Variants in KLF13 observed in about 807,000 individuals in gnomAD.
KLF13 encodes the protein KLF transcription factor 13, also known as Krueppel-like factor 13.
KLF13 carries 8 observed loss-of-function variants against 16.7 expected under a neutral mutation model. That is an observed-to-expected ratio of 0.48 (90% CI 0.28 to 0.87). The LOEUF is 0.87. Ranked by LOEUF, KLF13 falls within the 40% of genes least tolerant of loss-of-function variation. The pLI is 0.10. For synonymous variants in KLF13, 245 were observed against 208.4 expected (o/e 1.18, Z -1.51); for missense variants, 447 against 452.2 (o/e 0.99, Z 0.10).
chr15:31,408,064 C>T (rs56258992), downstream of KLF13, among the ~76,000 whole-genome samples: 18,855 of 152,036 alleles, frequency 0.12, 3,429 homozygotes, highest in African/African-American at 0.4. Flanking sequence ...GGCATAAAAC[C>T]TGAAAAAGAA....
rs1400003341 is a variant in KLF13, at chr15:31,375,079, A to T, written c.*2780A>T. The stretch of plus-strand genomic sequence containing the variant: ...GTGCGGTCCTTAGGCCCCGGCCTGG[A>T]CTGGGAAATGGGGGTAGGGCACCAG... On this transcript the variant is annotated 3_prime_UTR_variant, in exon 2 of 2. Coordinates refer to ENST00000307145, the MANE Select transcript of KLF13 (RefSeq NM_015995.4). 2 of 152,524 alleles carry T rather than the reference A, an allele frequency of 1.3e-5. No individual in the cohort carries two copies. The highest frequency in any genetic ancestry group is 4.8e-5 in the African/African-American group (2 of 41,412). 9.4% of individuals were successfully genotyped at this position (152,524 alleles called of 1,614,324 possible).
At chr15:31,396,941 A>G (rs1259088446) in intron 2 of KLF13, among the ~76,000 whole-genome samples, 1 of 152,116 alleles carries the variant, frequency 6.6e-6, no homozygotes, top group Non-Finnish European at 1.5e-5. Context: ...GGAATGAACA[A>G]GGACAGCTTG....
chr15:31,426,472 A>ACTT (rs1185695579), intron 1 of KLF13, among the ~76,000 whole-genome samples: 1 of 152,238 alleles, frequency 6.6e-6, no homozygotes, highest in Non-Finnish European at 1.5e-5. Context: ...ACTATATCAA[A>ACTT]CTTAAACCCT....
At chr15:31,395,092 G>T (rs887019730) in intron 2 of KLF13, among the ~76,000 whole-genome samples, 2 of 152,100 alleles carry the variant, frequency 1.3e-5, no homozygotes, top group African/African-American at 4.8e-5. Context: ...CGATTCTCCT[G>T]TCTCAGCCTC....
chr15:31,327,320 G>C lies in KLF13; in HGVS notation c.108G>C (p.Glu36Asp). 1 of 1,282,206 alleles carries C rather than the reference G, an allele frequency of 7.8e-7. No homozygotes were observed. Among genetic ancestry groups the C allele is most frequent in the Non-Finnish European group, 9.8e-7 (1 of 1,018,574 alleles). 79.4% of individuals were successfully genotyped at this position (1,282,206 alleles called of 1,614,324 possible). Residue 36 changes from glutamate (E) to aspartate (D), a missense_variant, in exon 1 of 2, where the codon GAG (glutamate) becomes GAC (aspartate). By Grantham distance (45) the Glu-to-Asp change is conservative. This residue lies in a region of KLF13 where 359 missense variants were observed against 282.8 expected (regional missense o/e 1.27). Transcript: ENST00000307145. ...GGGAGGGGCCGGAGTCCCGGCCCGA[G>C]GGCGCGGCCGTGGCCGCCACCCCCA... is the stretch of plus-strand genomic sequence containing the variant. ...GPREGPESRP[E>D]GAAVAATPTL...
chr15:31,368,820 T>TTAGA (rs373136224), intron 1 of KLF13, among the ~76,000 whole-genome samples: 2,445 of 151,828 alleles, frequency 0.016, 26 homozygotes, highest in Non-Finnish European at 0.02. Context: ...CTATCTCAGA[T>TTAGA]TAGATAGATA....
intron 1 of KLF13, among the ~76,000 whole-genome samples, chr15:31,335,500 G>A (rs1190771035): frequency 2.0e-5 from 3 of 148,420 alleles, no homozygotes; most frequent in Admixed American, 2.0e-4. Flanking sequence ...AGGGGGCGGG[G>A]GGAGGGCACA....
chr15:31,424,716 G>A (rs1001572072), intron 1 of KLF13, among the ~76,000 whole-genome samples: 3 of 152,102 alleles, frequency 2.0e-5, no homozygotes, highest in Non-Finnish European at 4.4e-5. Flanking sequence ...TTAGGGACAA[G>A]GCAAAGATGC....
At chr15:31,365,097 A>G (rs749027988) in intron 1 of KLF13, among the ~76,000 whole-genome samples, 1 of 152,198 alleles carries the variant, frequency 6.6e-6, no homozygotes, top group Non-Finnish European at 1.5e-5. Context: ...AGTGGCCCCA[A>G]ACCAGTGCCC....
At chr15:31,341,731 G>A (rs553415640) in intron 1 of KLF13, among the ~76,000 whole-genome samples, 38 of 152,158 alleles carry the variant, frequency 2.5e-4, no homozygotes, top group Admixed American at 8.5e-4. Flanking sequence ...CAGGTGCTGG[G>A]TCACTTTCCA....
Position 31,372,257 on chromosome 15 carries a change from C to T in KLF13, c.825C>T (p.Ser275=), listed in dbSNP as rs765324385. The T allele has an allele frequency of 1.6e-5, 25 of 1,542,592 alleles. No homozygotes were observed. The highest frequency in any genetic ancestry group is 2.7e-5 in the African/African-American group (2 of 73,416). Residue 275 remains serine, a synonymous_variant, in exon 2 of 2, where the codon TCC becomes TCT. Transcript: ENST00000307145. ...GCTCCCTCAGCGACTACAGCCGCTC[C>T]GACGCCAGCAGCCCCACCATCAGCC... is the stretch of plus-strand genomic sequence containing the variant. ...RTGSLSDYSR[S]DASSPTISPA...
intron 1 of KLF13, among the ~76,000 whole-genome samples, chr15:31,331,609 T>G (rs1171201928): frequency 6.6e-6 from 1 of 152,180 alleles, no homozygotes; most frequent in East Asian, 1.9e-4. Flanking sequence ...AAAGCCAGGC[T>G]TGTTGGTGGC....
chr15:31,371,864 T>G, intron 1 of KLF13, 146 bp from the exon 2 acceptor site: 3 of 930,924 alleles, frequency 3.2e-6, no homozygotes, highest in Non-Finnish European at 3.2e-6. Context: ...TCTGCCTTGA[T>G]GGATTTGTCA....
chr15:31,333,028 A>C (rs2038859745), intron 1 of KLF13, among the ~76,000 whole-genome samples: 1 of 152,060 alleles, frequency 6.6e-6, no homozygotes, highest in African/African-American at 2.4e-5. Context: ...TGCTTTCAGG[A>C]AGCAATTAAA....
In KLF13 at chr15:31,373,471, G is replaced by C. The variant is rs922993013; in HGVS notation, c.*1172G>C. 2 of 152,318 alleles carry C rather than the reference G, an allele frequency of 1.3e-5. No homozygotes were observed. The highest frequency in any genetic ancestry group is 1.9e-4 in the East Asian group (1 of 5,186). The allele number at this position is 152,318 out of a possible 1,614,324, so 9.4% of individuals were successfully genotyped here. A position where few individuals can be genotyped will look rare whatever the true frequency, so the allele number is the denominator to read the frequency against. ...CAGGGAATGCCAGATAGAAAGTTGCGGGCAACACTTTTCTCAGACCCACCA... is the reference window on the plus strand; with the variant it reads ...CAGGGAATGCCAGATAGAAAGTTGCCGGCAACACTTTTCTCAGACCCACCA... On this transcript the variant is annotated 3_prime_UTR_variant, in exon 2 of 2. Coordinates refer to ENST00000307145, the MANE Select transcript of KLF13 (RefSeq NM_015995.4).
At chr15:31,357,343 G>C (rs1343521503) in intron 1 of KLF13, among the ~76,000 whole-genome samples, 1 of 152,178 alleles carries the variant, frequency 6.6e-6, no homozygotes. Context: ...TGGGTCTCTT[G>C]CCCACCCACG....
At chr15:31,416,094 T>C (rs1159832764) in intron 1 of KLF13, among the ~76,000 whole-genome samples, 1 of 152,114 alleles carries the variant, frequency 6.6e-6, no homozygotes, top group East Asian at 1.9e-4. Context: ...GACAAATTTC[T>C]AGAAAGATAC....
At chr15:31,334,020 G>T (rs1227287307) in intron 1 of KLF13, among the ~76,000 whole-genome samples, 1 of 152,152 alleles carries the variant, frequency 6.6e-6, no homozygotes, top group Non-Finnish European at 1.5e-5. Flanking sequence ...TGGGCGGCCA[G>T]GCTCAGCCCC....
chr15:31,358,190 C>G (rs1288678300), intron 1 of KLF13, among the ~76,000 whole-genome samples: 2 of 152,216 alleles, frequency 1.3e-5, no homozygotes, highest in Non-Finnish European at 2.9e-5. Flanking sequence ...GAGATACATC[C>G]AGCAATATCC....
Sources: gnomAD v4.1 joint callset for allele counts (sites outside exome capture counted in the v4.1 genomes callset) on GRCh38, gnomAD v4.1.1 for gene constraint, gnomAD v4.1.1 regional missense constraint, MANE v1.5 for transcripts, NCBI Gene and HGNC (gene_info 2026-07-23, HGNC 2026-07-21) for gene names.